UGT2A1: variants seen among roughly 807,000 people sequenced by gnomAD.
UGT2A1 encodes the protein UDP glucuronosyltransferase family 2 member A1 complex locus.
Under a neutral mutation model 45.4 loss-of-function variants are expected in UGT2A1, and 61 were observed. That is an observed-to-expected ratio of 1.34 (90% CI 1.09 to 1.66). UGT2A1 has a LOEUF of 1.66. UGT2A1 is among the 40% of genes most tolerant of loss of function. The probability of loss-of-function intolerance (pLI) is 0.00; values close to 1 mark genes in which losing one functional copy is unlikely to be tolerated. For missense variants in UGT2A1, 649 were observed against 574.3 expected (o/e 1.13, Z -1.33); for synonymous variants, 229 against 196.2 (o/e 1.17, Z -1.40).
chr4:69,609,569 T>C (rs972166056), intron 3 of UGT2A1, among the ~76,000 whole-genome samples: 7 of 152,156 alleles, frequency 4.6e-5, no homozygotes, highest in Non-Finnish European at 8.8e-5. Context: ...GTAAATGAAT[T>C]GAATAGTTTG....
At position 69,591,393 on chromosome 4, in the gene UGT2A1, G is replaced by C. The variant is rs1453413067; in HGVS notation, c.1305-1742C>G. 2.0e-5 allele frequency among the ~76,000 whole-genome samples: 3 copies of C among 152,242 alleles called. No individual in the cohort carries two copies. In the East Asian group the frequency reaches 5.8e-4, roughly 29 times the overall value. On this transcript the variant is annotated intron_variant, in intron 6 of 6. Coordinates refer to ENST00000286604, the MANE Select transcript of UGT2A1 (RefSeq NM_001252275.3). Reference sequence around the variant, plus strand: ...CTATAGGTAAATTTAAACATATTCTGGTTGACAATTGGTTGAGTTTCTCTA... The same window carrying C: ...CTATAGGTAAATTTAAACATATTCTCGTTGACAATTGGTTGAGTTTCTCTA...
chr4:69,643,132 G>A (rs1387546456), intron 2 of UGT2A1, among the ~76,000 whole-genome samples: 1 of 151,370 alleles, frequency 6.6e-6, no homozygotes, highest in East Asian at 1.9e-4. Flanking sequence ...CCAGACAACA[G>A]AATCACATGA....
chr4:69,650,310 T>A (rs1722465154), intron 1 of UGT2A1, among the ~76,000 whole-genome samples: 1 of 152,132 alleles, frequency 6.6e-6, no homozygotes. Flanking sequence ...AGGAGATCTT[T>A]CTCATATTAA....
chr4:69,619,156 G>C (rs2109932674), intron 3 of UGT2A1, among the ~76,000 whole-genome samples: 1 of 151,890 alleles, frequency 6.6e-6, no homozygotes, highest in South Asian at 2.1e-4. Context: ...CCAGTACTTT[G>C]GTAAGCCAAT....
chr4:69,610,246 C>CAA lies in UGT2A1; in HGVS notation c.848-10854_848-10853dup, dbSNP rs4148316. Among the ~76,000 whole-genome samples the CAA allele has an allele frequency of 9.9e-3, 1,498 of 151,158 alleles. 21 individuals are homozygous for CAA. The highest frequency in any genetic ancestry group is 0.03 in the African/African-American group (1,249 of 41,264). ...TTGCATTGTTCTAATTCTGCCATTACAAAAAAAAAGTTGCATTGAATTCAT... is the reference window on the plus strand; with the variant it reads ...TTGCATTGTTCTAATTCTGCCATTACAAAAAAAAAAAGTTGCATTGAATTCAT... On this transcript the variant is annotated intron_variant, in intron 3 of 6. Coordinates refer to ENST00000286604, the MANE Select transcript of UGT2A1 (RefSeq NM_001252275.3).
intron 3 of UGT2A1, among the ~76,000 whole-genome samples, chr4:69,631,072 C>T (rs947027768): frequency 5.9e-5 from 9 of 152,060 alleles, no homozygotes; most frequent in African/African-American, 2.2e-4. Flanking sequence ...AACTATAACA[C>T]TACTTTCTCA....
chr4:69,651,400 ATAAAAT>A (rs1311101930), intron 1 of UGT2A1, among the ~76,000 whole-genome samples: 1 of 152,224 alleles, frequency 6.6e-6, no homozygotes, highest in African/African-American at 2.4e-5. Flanking sequence ...CTATGTGCAC[ATAAAAT>A]TAAAAATAAA....
At chr4:69,614,731 C>T (rs918434966) in intron 3 of UGT2A1, among the ~76,000 whole-genome samples, 5 of 152,018 alleles carry the variant, frequency 3.3e-5, no homozygotes, top group Non-Finnish European at 7.4e-5. Context: ...GGAATGGACT[C>T]TTAATGGTGC....
chr4:69,594,196 G>A (rs1262680473), intron 6 of UGT2A1, among the ~76,000 whole-genome samples: 2 of 151,940 alleles, frequency 1.3e-5, no homozygotes, highest in Middle Eastern at 3.4e-3. Context: ...GGATGGTCTC[G>A]ATCTCCGGAC....
chr4:69,594,802 A>C, intron 5 of UGT2A1, 106 bp from the exon 6 acceptor site: 25 of 1,343,726 alleles, frequency 1.9e-5, no homozygotes, highest in Non-Finnish European at 2.5e-5. Context: ...CTAAAGAAGG[A>C]TACGTTTTCT....
At position 69,599,266 on chromosome 4, in the gene UGT2A1, G is replaced by T. The variant is rs767014856; in HGVS notation, c.976C>A (p.Pro326Thr). 2.5e-6 allele frequency: 4 copies of T among 1,613,424 alleles called. No homozygotes were observed. The African/African-American group carries it at 4.0e-5, about 16-fold the overall frequency. ...FEFVGGLHCKPAKPLPKVLWR... is the reference protein window; with the variant it reads ...FEFVGGLHCKTAKPLPKVLWR... ...CCTACCTTAGGTAAAGGTTTGGCAGGTTTGCAGTGCAATCCTCCAACAAAC... is the reference window on the plus strand; with the variant it reads ...CCTACCTTAGGTAAAGGTTTGGCAGTTTTGCAGTGCAATCCTCCAACAAAC... Residue 326 changes from proline to threonine, a missense_variant, in exon 4 of 7, where the codon CCT becomes ACT. By Grantham distance (38) the Pro-to-Thr change is conservative. Coordinates refer to ENST00000286604, the MANE Select transcript of UGT2A1 (RefSeq NM_001252275.3).
At chr4:69,633,084 GAAGT>G (rs1721476291) in intron 3 of UGT2A1, among the ~76,000 whole-genome samples, 2 of 152,222 alleles carry the variant, frequency 1.3e-5, no homozygotes, top group African/African-American at 2.4e-5. Flanking sequence ...TGAAGAATGA[GAAGT>G]AAGAGGTAGG....
In UGT2A1 at chr4:69,602,301, A is replaced by G. The variant is rs1343249536; in HGVS notation, c.848-2907T>C. Among the ~76,000 whole-genome samples the G allele has an allele frequency of 1.5e-5, 2 of 137,454 alleles. 1 individual carries two copies. Among genetic ancestry groups the G allele is most frequent in the Admixed American group, 1.4e-4 (2 of 14,022 alleles). The allele number at this position is 137,454 out of a possible 152,430, so 90.2% of individuals were successfully genotyped here. A position where few individuals can be genotyped will look rare whatever the true frequency, so the allele number is the denominator to read the frequency against. Reference sequence around the variant, plus strand: ...TACACCAACAAAGGCACTCCAAACAAAAAAGTTTCATCAAATGTAACCTTT... The same window carrying G: ...TACACCAACAAAGGCACTCCAAACAGAAAAGTTTCATCAAATGTAACCTTT... On this transcript the variant is annotated intron_variant, in intron 3 of 6. Transcript: ENST00000286604.
intron 3 of UGT2A1, among the ~76,000 whole-genome samples, chr4:69,629,423 A>G (rs1215881931): frequency 2.6e-5 from 4 of 152,040 alleles, no homozygotes; most frequent in Non-Finnish European, 5.9e-5. Flanking sequence ...AGTGCCTAAT[A>G]AGAGTGTTTT....
chr4:69,589,843 T>C (rs997969362), intron 6 of UGT2A1, among the ~76,000 whole-genome samples, 192 bp from the exon 7 acceptor site: 1 of 152,228 alleles, frequency 6.6e-6, no homozygotes, highest in Admixed American at 6.5e-5. Context: ...ATGAAATATA[T>C]GCTTAACACA....
intron 2 of UGT2A1, among the ~76,000 whole-genome samples, chr4:69,644,390 T>C (rs925611748): frequency 6.6e-6 from 1 of 151,680 alleles, no homozygotes; most frequent in Admixed American, 6.6e-5. Flanking sequence ...GGATTGAAAA[T>C]GTAAATACAA....
intron 6 of UGT2A1, among the ~76,000 whole-genome samples, chr4:69,591,987 CAATT>C (rs1212083622): frequency 6.6e-6 from 1 of 152,054 alleles, no homozygotes; most frequent in Non-Finnish European, 1.5e-5. Context: ...TAATAAAAGT[CAATT>C]AATTGGAATG....
chr4:69,635,859 G>C (rs1256178032), intron 2 of UGT2A1, 37 bp from the exon 3 acceptor site: 1 of 91,624 alleles, frequency 1.1e-5, no homozygotes, highest in African/African-American at 3.8e-5. Context: ...AAGAGAGAGA[G>C]AGAGAGAAAT....
At position 69,599,130 on chromosome 4, in the gene UGT2A1, G is replaced by A. The variant is rs551843463; in HGVS notation, c.996+116C>T. On this transcript the variant is annotated intron_variant, in intron 4 of 6. Transcript: ENST00000286604. The stretch of plus-strand genomic sequence containing the variant: ...CTCTATCACAAGGAAAATAGATGTG[G>A]AGTAGCAAACTGAAATGTCCAGCAG... The A allele has an allele frequency of 1.5e-5, 21 of 1,395,804 alleles. No individual in the cohort carries two copies. In the East Asian group the frequency reaches 4.1e-4, roughly 27 times the overall value. The allele number at this position is 1,395,804 out of a possible 1,614,324, so 86.5% of individuals were successfully genotyped here. A position where few individuals can be genotyped will look rare whatever the true frequency, so the allele number is the denominator to read the frequency against.
Sources: allele counts gnomAD v4.1 joint callset (sites outside exome capture counted in the v4.1 genomes callset), GRCh38; gene constraint gnomAD v4.1.1; transcripts MANE v1.5; gene names NCBI Gene and HGNC (gene_info 2026-07-23, HGNC 2026-07-21).